C1QTNF5: variants seen among roughly 807,000 people sequenced by gnomAD.
C1QTNF5 encodes complement C1q tumor necrosis factor-related protein 5.
In C1QTNF5, 5 loss-of-function variants were observed where a neutral mutation model predicts 10.9. That is an observed-to-expected ratio of 0.46 (90% CI 0.24 to 0.97). The LOEUF is 0.97. C1QTNF5 is among the 50% of genes least tolerant of loss of function. The probability of loss-of-function intolerance (pLI) is 0.19; values close to 1 mark genes in which losing one functional copy is unlikely to be tolerated. For missense variants in C1QTNF5, 281 were observed against 339.4 expected, an observed-to-expected ratio of 0.83 and a Z score of 1.35; for synonymous variants, 161 against 156.5, an observed-to-expected ratio of 1.03 and a Z score of -0.22.
upstream of C1QTNF5, among the ~76,000 whole-genome samples, chr11:119,343,336 C>A (rs576802420): frequency 5.3e-5 from 8 of 152,208 alleles, no homozygotes; most frequent in African/African-American, 7.2e-5. Flanking sequence ...TATAGTGAGA[C>A]CTTGTCTTTA....
At chr11:119,344,745 T>C (rs1423566160), upstream of C1QTNF5, 8 of 1,613,890 alleles carry the variant, frequency 5.0e-6, no homozygotes. Flanking sequence ...GAACTCATCA[T>C]GGGCACAGCT....
upstream of C1QTNF5, chr11:119,341,690 C>T (rs1208934402): frequency 1.2e-6 from 2 of 1,613,030 alleles, no homozygotes; most frequent in African/African-American, 2.7e-5. Flanking sequence ...GGGCAGAACA[C>T]TGCCTAGTGG....
upstream of C1QTNF5, chr11:119,344,855 C>T (rs751366258): frequency 3.1e-6 from 5 of 1,613,260 alleles, no homozygotes; most frequent in East Asian, 6.7e-5. Flanking sequence ...ACTCAACAGG[C>T]AGGTGGGAAC....
upstream of C1QTNF5, chr11:119,343,825 A>T (rs527368780): frequency 1.2e-6 from 2 of 1,613,782 alleles, no homozygotes; most frequent in Non-Finnish European, 1.7e-6. Flanking sequence ...CCTGCCCAGG[A>T]GGCTGAAGGC....
chr11:119,342,790 T>A, upstream of C1QTNF5: 4 of 1,612,864 alleles, frequency 2.5e-6, no homozygotes, highest in Non-Finnish European at 2.5e-6. Flanking sequence ...ACCCCCAGAG[T>A]GTCCTGACCA....
rs2135364678 is a variant in C1QTNF5 at position 119,339,859 on chromosome 11, A to G, written c.215-11T>C. 1 of 1,464,466 alleles carries G rather than the reference A, an allele frequency of 6.8e-7. No homozygotes were observed. Among genetic ancestry groups the G allele is most frequent in the Non-Finnish European group, 9.0e-7 (1 of 1,115,672 alleles). 90.7% of individuals were successfully genotyped at this position (1,464,466 alleles called of 1,614,324 possible). Reference sequence around the variant, plus strand: ...GAGGTCCCGGCAGTCCTGCGGGGTAAGCGGGGCGGCAGGGTGAGAGTAGCG... The same window carrying G: ...GAGGTCCCGGCAGTCCTGCGGGGTAGGCGGGGCGGCAGGGTGAGAGTAGCG... On this transcript the variant is annotated splice_polypyrimidine_tract_variant and intron_variant, in intron 2 of 2. Coordinates refer to ENST00000528368, the MANE Select transcript of C1QTNF5 (RefSeq NM_001278431.2). The surrounding 1 kb of genome is among the most constrained non-coding windows in gnomAD (Gnocchi z 5.4).
upstream of C1QTNF5, chr11:119,343,844 T>C: frequency 6.2e-7 from 1 of 1,614,018 alleles, no homozygotes; most frequent in Non-Finnish European, 8.5e-7. Flanking sequence ...GCCCCTGAGC[T>C]GCTGGTCTCA....
upstream of C1QTNF5, chr11:119,344,803 C>T: frequency 6.2e-7 from 1 of 1,613,760 alleles, no homozygotes; most frequent in Non-Finnish European, 8.5e-7. Context: ...GTCTCCACCC[C>T]TTTGACAGGA....
At chr11:119,341,922 A>T, upstream of C1QTNF5, 3 of 1,613,972 alleles carry the variant, frequency 1.9e-6, no homozygotes, top group Non-Finnish European at 2.5e-6. Context: ...ATGTTAGGGA[A>T]GGCTGTGGTG....
upstream of C1QTNF5, chr11:119,343,922 C>G (rs777183737): frequency 6.2e-7 from 1 of 1,613,426 alleles, no homozygotes. Context: ...AACTGTAGTT[C>G]TATGCTGTGT....
upstream of C1QTNF5, among the ~76,000 whole-genome samples, chr11:119,343,412 G>T (rs1403757803): frequency 6.6e-6 from 1 of 152,216 alleles, no homozygotes; most frequent in African/African-American, 2.4e-5. Context: ...AGCTACTTAG[G>T]AGGCTGAGGT....
Position 119,339,030 on chromosome 11 carries a change from AC to A in C1QTNF5, c.*300del. 1 of 346,850 alleles carries A rather than the reference AC, an allele frequency of 2.9e-6. No individual in the cohort carries two copies. The highest frequency in any genetic ancestry group is 5.3e-6 in the Non-Finnish European group (1 of 189,048). 21.5% of individuals were successfully genotyped at this position (346,850 alleles called of 1,614,324 possible). A position where few individuals can be genotyped will look rare whatever the true frequency, so the allele number is the denominator to read the frequency against. On this transcript the variant is annotated 3_prime_UTR_variant, in exon 3 of 3. Transcript: ENST00000528368. This position sits in a 1 kb window ranked among gnomAD's most constrained non-coding sequence, Gnocchi z 5.4. ...TGGGGAGGATCCAGAGAAGCAGAGGACCAGGAAGAGAGCACCCCACCGTGGG... is the reference window on the plus strand; with the variant it reads ...TGGGGAGGATCCAGAGAAGCAGAGGACAGGAAGAGAGCACCCCACCGTGGG...
chr11:119,341,785 A>G, upstream of C1QTNF5: 1 of 1,613,194 alleles, frequency 6.2e-7, no homozygotes, highest in Non-Finnish European at 8.5e-7. Context: ...GCGGAGGGAG[A>G]GTGGCCTTCA....
Position 119,339,952 on chromosome 11 carries a change from TC to T in C1QTNF5, c.215-105del. 1 of 1,378,544 alleles carries T rather than the reference TC, an allele frequency of 7.3e-7. No homozygotes were observed. The highest frequency in any genetic ancestry group is 9.4e-7 in the Non-Finnish European group (1 of 1,060,320). The allele number at this position is 1,378,544 out of a possible 1,614,324, so 85.4% of individuals were successfully genotyped here. A position where few individuals can be genotyped will look rare whatever the true frequency, so the allele number is the denominator to read the frequency against. On this transcript the variant is annotated intron_variant, in intron 2 of 2. Coordinates refer to ENST00000528368, the MANE Select transcript of C1QTNF5 (RefSeq NM_001278431.2). This position sits in a 1 kb window ranked among gnomAD's most constrained non-coding sequence, Gnocchi z 5.4. Reference sequence around the variant, plus strand: ...ACCCCTCCCCGCCCCTGCCTGAGCTTCGGCCAGCGCCTCCTCCCGCACGGGT... The same window carrying T: ...ACCCCTCCCCGCCCCTGCCTGAGCTTGGCCAGCGCCTCCTCCCGCACGGGT...
At chr11:119,345,388 C>A, upstream of C1QTNF5, 2 of 1,596,384 alleles carry the variant, frequency 1.3e-6, no homozygotes, top group African/African-American at 2.7e-5. Context: ...GTTCAGGACA[C>A]GGTGGGATGT....
chr11:119,341,065 A>G (rs147285871), upstream of C1QTNF5: 327 of 191,452 alleles, frequency 1.7e-3, 3 homozygotes, highest in East Asian at 0.012. Flanking sequence ...GAGGAGAGGC[A>G]GGGCAGTGGC....
At chr11:119,341,005 G>A, upstream of C1QTNF5, 1 of 177,426 alleles carries the variant, frequency 5.6e-6, no homozygotes, top group Non-Finnish European at 1.2e-5. Flanking sequence ...GCACAGAGAG[G>A]CAGAACTTCG....
At chr11:119,345,863 T>TAC (rs1950559773), upstream of C1QTNF5, 1 of 1,613,362 alleles carries the variant, frequency 6.2e-7, no homozygotes, top group African/African-American at 1.3e-5. Flanking sequence ...GTGGTGGTGG[T>TAC]CGTGGTAAGG....
At chr11:119,344,959 G>A (rs772306052), upstream of C1QTNF5, 1 of 1,609,570 alleles carries the variant, frequency 6.2e-7, no homozygotes, top group Non-Finnish European at 8.5e-7. Context: ...CCAGGAGGTG[G>A]CTGGCATTGG....
Sources: gnomAD v4.1 joint callset for allele counts (sites outside exome capture counted in the v4.1 genomes callset) on GRCh38, gnomAD v4.1.1 for gene constraint, Gnocchi (gnomAD v3.1) non-coding constraint, MANE v1.5 for transcripts, NCBI Gene and HGNC (gene_info 2026-07-23, HGNC 2026-07-21) for gene names.